DNAH1: variants seen among roughly 807,000 people sequenced by gnomAD.
DNAH1 encodes dynein axonemal heavy chain 1, also known as axonemal beta dynein heavy chain 1.
Under a neutral mutation model 484.3 loss-of-function variants are expected in DNAH1, and 327 were observed. The ratio of observed to expected loss-of-function variants is 0.68; its 90% CI spans 0.62 to 0.74. The LOEUF (loss-of-function observed/expected upper bound fraction) is 0.74. Ranked by LOEUF, DNAH1 falls within the 30% of genes least tolerant of loss-of-function variation. DNAH1 has a pLI of 0.00. For missense variants in DNAH1, 5,052 were observed against 5,546.8 expected, an observed-to-expected ratio of 0.91 and a Z score of 2.83; for synonymous variants, 2,192 against 2,191.9, an observed-to-expected ratio of 1.00 and a Z score of 0.00.
intron 6 of DNAH1, among the ~76,000 whole-genome samples, chr3:52,328,603 G>T (rs1023351581): frequency 1.3e-5 from 2 of 152,268 alleles, no homozygotes; most frequent in Admixed American, 1.3e-4. Flanking sequence ...ACACAGGTTT[G>T]CCTTGTCTTG....
chr3:52,323,598 G>T (rs1559486481), intron 2 of DNAH1, among the ~76,000 whole-genome samples: 1 of 152,220 alleles, frequency 6.6e-6, no homozygotes, highest in Non-Finnish European at 1.5e-5. Context: ...GAATGGGGTG[G>T]GGCCAGGAAG....
At chr3:52,371,277 A>C (rs1396707262) in intron 41 of DNAH1, among the ~76,000 whole-genome samples, 1 of 152,260 alleles carries the variant, frequency 6.6e-6, no homozygotes, top group Non-Finnish European at 1.5e-5. Context: ...CCCAAGGTCA[A>C]GACCCCAGCC....
Position 52,399,737 on chromosome 3 carries a change from G to T in DNAH1, c.12634G>T (p.Asp4212Tyr). The change falls in exon 77 of 78, where the codon GAC (aspartate) becomes TAC (tyrosine). Residue 4212 changes from aspartate (D) to tyrosine (Y), a missense_variant. Asp to Tyr is a radical substitution (Grantham distance 160). Transcript: ENST00000420323. ...PTPNRKAQDQDFYLCPIYKTL... is the reference protein window; with the variant it reads ...PTPNRKAQDQYFYLCPIYKTL... ...ACCCAACCGCAAGGCCCAGGACCAG[G>T]ACTTTTACCTGTGCCCCATCTACAA... 6.2e-7 allele frequency: 1 copy of T among 1,614,012 alleles called. No homozygotes were observed. Among genetic ancestry groups the T allele is most frequent in the Non-Finnish European group, 8.5e-7 (1 of 1,179,890 alleles).
Position 52,353,381 on chromosome 3 carries a change from C to T in DNAH1, c.3228C>T (p.Ala1076=). ...ATGCGTTTCTGTCTTACCCGGCAGC[C>T]TGCCAGGAAGTGGCCTTGGACATCC... ...KCVKQFKDMP[A]CQEVALDIRA... is the part of the protein sequence containing the mutation. Residue 1076 remains alanine, a splice_region_variant and synonymous_variant, in exon 20 of 78, where the codon GCC becomes GCT. Transcript: ENST00000420323. This position sits in a 1 kb window ranked among gnomAD's most constrained non-coding sequence, Gnocchi z 5.0. 6.2e-7 allele frequency: 1 copy of T among 1,609,362 alleles called. No homozygotes were observed. Among genetic ancestry groups the T allele is most frequent in the Non-Finnish European group, 8.5e-7 (1 of 1,176,436 alleles).
At chr3:52,377,285 G>A (rs1703645291) in intron 46 of DNAH1, among the ~76,000 whole-genome samples, 2 of 151,834 alleles carry the variant, frequency 1.3e-5, no homozygotes, top group South Asian at 2.1e-4. Flanking sequence ...GGGTCTTGGC[G>A]CCATCCTCCA....
chr3:52,321,368 G>A (rs1399258649), intron 1 of DNAH1, among the ~76,000 whole-genome samples: 3 of 151,640 alleles, frequency 2.0e-5, no homozygotes, highest in Admixed American at 1.3e-4. Context: ...CACCCGCCTC[G>A]GCCTCCCAAA....
Position 52,344,470 on chromosome 3 carries a change from T to C in DNAH1, c.1287-20T>C. ...GGGTGTGGAGCCCCTGATTCCCCCA[T>C]CTCCCATCTCTATGGGCAGGGTTCT... is the stretch of plus-strand genomic sequence containing the variant. On this transcript the variant is annotated intron_variant, in intron 8 of 77. Coordinates refer to ENST00000420323, the MANE Select transcript of DNAH1 (RefSeq NM_015512.5). 1 of 1,609,528 alleles carries C rather than the reference T, an allele frequency of 6.2e-7. No individual in the cohort carries two copies. The highest frequency in any genetic ancestry group is 8.5e-7 in the Non-Finnish European group (1 of 1,176,628).
intron 16 of DNAH1, among the ~76,000 whole-genome samples, chr3:52,350,871 C>CA (rs1363108121): frequency 1.3e-5 from 2 of 152,186 alleles, no homozygotes; most frequent in African/African-American, 4.8e-5. Flanking sequence ...TTTTTTGAAA[C>CA]AGAGTTTTGC....
intron 6 of DNAH1, among the ~76,000 whole-genome samples, chr3:52,330,193 G>A (rs920964118): frequency 2.0e-5 from 3 of 152,094 alleles, no homozygotes; most frequent in East Asian, 3.9e-4. Flanking sequence ...AAAGTTTATC[G>A]AACACCTGCA....
rs534953351 is a variant in DNAH1 at position 52,369,316 on chromosome 3, C to T, written c.5943+398C>T. On this transcript the variant is annotated intron_variant, in intron 37 of 77. Coordinates refer to ENST00000420323, the MANE Select transcript of DNAH1 (RefSeq NM_015512.5). ...GTGCACCTGGCCCTGGCAGTATGCCCGGGGTCTGGGAGATGGATGGCATAG... is the reference window on the plus strand; with the variant it reads ...GTGCACCTGGCCCTGGCAGTATGCCTGGGGTCTGGGAGATGGATGGCATAG... Among the ~76,000 whole-genome samples the T allele has an allele frequency of 1.4e-4, 21 of 152,186 alleles. No homozygotes were observed. The South Asian group carries it at 2.1e-3, about 15-fold the overall frequency.
rs1703754670 is a variant in DNAH1 at position 52,379,672 on chromosome 3, C to T, written c.7378-233C>T. Among the ~76,000 whole-genome samples, 1 of 152,272 alleles carries T rather than the reference C, an allele frequency of 6.6e-6. No homozygotes were observed. The highest frequency in any genetic ancestry group is 2.1e-4 in the South Asian group (1 of 4,824). ...CAGAGGGCACTTGGCCAGCTGGACTCGGAGCTGAGGCATGAGGAGGCCCAG... is the reference window on the plus strand; with the variant it reads ...CAGAGGGCACTTGGCCAGCTGGACTTGGAGCTGAGGCATGAGGAGGCCCAG... On this transcript the variant is annotated intron_variant, in intron 47 of 77. Transcript: ENST00000420323. The surrounding 1 kb of genome is among the most constrained non-coding windows in gnomAD (Gnocchi z 4.4).
Position 52,375,365 on chromosome 3 carries a change from G to A in DNAH1, c.7111G>A (p.Glu2371Lys), listed in dbSNP as rs372172175. The change falls in exon 45 of 78, where the codon GAG becomes AAG. Residue 2371 changes from glutamate (E) to lysine (K), a missense_variant. Transcript: ENST00000420323. ...FNYLSFAEMD[E>K]VSKKRIFSTI... ...CTACCTGTCTTTCGCTGAGATGGAC[G>A]AGGTCAGCAAGAAACGCATCTTCTC... 1.2e-5 allele frequency: 19 copies of A among 1,613,558 alleles called. No individual in the cohort carries two copies. The African/African-American group carries it at 1.5e-4, about 12-fold the overall frequency.
intron 16 of DNAH1, 108 bp downstream of exon 16, chr3:52,350,698 C>T: frequency 1.3e-5 from 13 of 998,820 alleles, no homozygotes; most frequent in Non-Finnish European, 1.8e-5. Flanking sequence ...GTGCAATCTC[C>T]CCAGAAACAC....
In DNAH1 at chr3:52,369,843, G is replaced by A. The variant is rs1448991046; in HGVS notation, c.5962G>A (p.Glu1988Lys). ...GCACCAGGCAATGACCATGATGTTC[G>A]AGGTGCAAGACCTGGCGGTGGCTTC... ...KLTEAMTMMF[E>K]VQDLAVASPA... Residue 1988 changes from glutamate to lysine, a missense_variant, in exon 38 of 78, where the codon GAG becomes AAG. This residue lies in a region of DNAH1 where 2,929 missense variants were observed against 3,409.4 expected (regional missense o/e 0.86). Transcript: ENST00000420323. The A allele has an allele frequency of 6.2e-6, 10 of 1,609,566 alleles. No homozygotes were observed. Among genetic ancestry groups the A allele is most frequent in the South Asian group, 3.3e-5 (3 of 90,918 alleles).
intron 6 of DNAH1, among the ~76,000 whole-genome samples, chr3:52,330,664 T>TCCTGCCCTGC (rs541253528): frequency 3.3e-5 from 5 of 152,092 alleles, no homozygotes; most frequent in Non-Finnish European, 7.4e-5. Flanking sequence ...AAAGAGCGGC[T>TCCTGCCCTGC]CCTGCCCTGC....
In DNAH1 at chr3:52,355,603, G is replaced by A. The variant is rs543747645; in HGVS notation, c.3693+548G>A. On this transcript the variant is annotated intron_variant, in intron 21 of 77. Coordinates refer to ENST00000420323, the MANE Select transcript of DNAH1 (RefSeq NM_015512.5). The surrounding 1 kb of genome is among the most constrained non-coding windows in gnomAD (Gnocchi z 4.5). ...GCAGTCCCGGGGCCAGCCTGCAGGT[G>A]TGATATCCCCTTCCCCGGGCCTCCC... 1.3e-5 allele frequency among the ~76,000 whole-genome samples: 2 copies of A among 152,372 alleles called. No individual in the cohort carries two copies. Among genetic ancestry groups the A allele is most frequent in the South Asian group, 4.1e-4 (2 of 4,828 alleles).
At position 52,348,963 on chromosome 3, in the gene DNAH1, GA is replaced by G; in HGVS notation, c.2183del (p.Glu728GlyfsTer14). 6.2e-7 allele frequency: 1 copy of G among 1,613,522 alleles called. No individual in the cohort carries two copies. The highest frequency in any genetic ancestry group is 8.5e-7 in the Non-Finnish European group (1 of 1,179,902). ...GGGCCTTCATGAGCCACTGGTGGAA[GA>G]GCTACGGGCCACCATTGCCAGTGCC... is the stretch of plus-strand genomic sequence containing the variant. Reference protein sequence around the residue: ...SVGLHEPLVEELRATIASAVS... With the variant: ...SVGLHEPLVEXLRATIASAVS... On this transcript the variant is annotated frameshift_variant, in exon 13 of 78. Transcript: ENST00000420323. LOFTEE classifies it high-confidence loss of function.
chr3:52,367,934 G>A (rs1380657402), intron 36 of DNAH1, among the ~76,000 whole-genome samples: 3 of 152,206 alleles, frequency 2.0e-5, no homozygotes, highest in Non-Finnish European at 2.9e-5. Context: ...GCAGGCACAG[G>A]GACCACTGCA....
At chr3:52,351,891 C>T in intron 16 of DNAH1, 71 bp from the exon 17 acceptor site, 1 of 1,539,754 alleles carries the variant, frequency 6.5e-7, no homozygotes, top group Non-Finnish European at 8.8e-7. Flanking sequence ...GTGGGATGCC[C>T]CTGCCTGGTC....
Sources: gnomAD v4.1 joint callset for allele counts (sites outside exome capture counted in the v4.1 genomes callset) on GRCh38, gnomAD v4.1.1 for gene constraint, gnomAD v4.1.1 regional missense constraint, Gnocchi (gnomAD v3.1) non-coding constraint, MANE v1.5 for transcripts, NCBI Gene and HGNC (gene_info 2026-07-23, HGNC 2026-07-21) for gene names.